Variants in RPS6KA2 observed in about 807,000 individuals in gnomAD.
RPS6KA2 encodes ribosomal protein S6 kinase alpha-2.
In RPS6KA2, 42 loss-of-function variants were observed where a neutral mutation model predicts 91.8. That is an observed-to-expected ratio of 0.46 (90% CI 0.36 to 0.59). The LOEUF (loss-of-function observed/expected upper bound fraction) is 0.59. Among genes scored for constraint, RPS6KA2 ranks in the 20% least tolerant of loss-of-function variants. The pLI is 0.00. For synonymous variants in RPS6KA2, 414 were observed against 393.6 expected, an observed-to-expected ratio of 1.05 and a Z score of -0.61; for missense variants, 798 against 978.5, an observed-to-expected ratio of 0.82 and a Z score of 2.46.
chr6:166,428,252 T>C (rs1274165528), intron 16 of RPS6KA2, among the ~76,000 whole-genome samples: 2 of 151,278 alleles, frequency 1.3e-5, no homozygotes, highest in East Asian at 3.9e-4. Context: ...GCTAGCCATA[T>C]GTAGAAAGCT....
At chr6:166,820,143 A>G (rs2128622923) in intron 2 of RPS6KA2, among the ~76,000 whole-genome samples, 1 of 152,192 alleles carries the variant, frequency 6.6e-6, no homozygotes, top group South Asian at 2.1e-4. Context: ...TATCCAGGGG[A>G]CATGTACATA....
chr6:166,759,562 C>T (rs1009880446), intron 2 of RPS6KA2, among the ~76,000 whole-genome samples: 2 of 152,230 alleles, frequency 1.3e-5, no homozygotes, highest in African/African-American at 4.8e-5. Context: ...TGAGTCTCAG[C>T]ACTGCTGGTG....
chr6:166,861,324 C>T (rs74353454), intron 1 of RPS6KA2, among the ~76,000 whole-genome samples: 4,411 of 152,030 alleles, frequency 0.029, 165 homozygotes, highest in African/African-American at 0.082. Context: ...TGTTTAAATG[C>T]CATTTGAGTT....
chr6:166,471,800 C>T (rs1382231156), intron 10 of RPS6KA2, among the ~76,000 whole-genome samples: 1 of 133,652 alleles, frequency 7.5e-6, no homozygotes, highest in African/African-American at 3.1e-5. Context: ...GGTGCCCCAC[C>T]TTCTGAAGTG....
chr6:166,517,415 C>T (rs1482227239), intron 3 of RPS6KA2, among the ~76,000 whole-genome samples: 4 of 150,986 alleles, frequency 2.6e-5, no homozygotes, highest in Admixed American at 2.0e-4. Flanking sequence ...CAGCATGGCC[C>T]ACCCAGGGCG....
chr6:166,413,372 G>T (rs1433057581), intron 20 of RPS6KA2, among the ~76,000 whole-genome samples: 6 of 152,216 alleles, frequency 3.9e-5, no homozygotes, highest in African/African-American at 1.4e-4. Context: ...TCTGGAGGGG[G>T]CGGCTCTTAA....
intron 1 of RPS6KA2, among the ~76,000 whole-genome samples, chr6:166,577,866 G>A (rs956395746): frequency 3.9e-5 from 6 of 152,154 alleles, no homozygotes; most frequent in Admixed American, 6.5e-5. Context: ...ATCTTGAATT[G>A]TACTGCCATA....
chr6:166,469,775 C>T (rs1583175500), intron 11 of RPS6KA2, 66 bp downstream of exon 11: 16 of 1,404,826 alleles, frequency 1.1e-5, no homozygotes, highest in Admixed American at 5.0e-5. Context: ...TGCACCAAGC[C>T]GTATGTTCCC....
At chr6:166,442,868 G>A (rs1045477149) in intron 14 of RPS6KA2, among the ~76,000 whole-genome samples, 10 of 152,276 alleles carry the variant, frequency 6.6e-5, no homozygotes, top group African/African-American at 2.2e-4. Context: ...CATTTCTGTA[G>A]TGAATTAGCT....
In RPS6KA2 at chr6:166,538,728, C is replaced by T; in HGVS notation, c.156G>A (p.Glu52=). 6.2e-7 allele frequency: 1 copy of T among 1,612,534 alleles called. No individual in the cohort carries two copies. The highest frequency in any genetic ancestry group is 8.5e-7 in the Non-Finnish European group (1 of 1,178,616). ...GCTCAAACTGGGAAGGATCTGCCTT[C>T]TCAAAGCCCTCCTTCACATGATGGC... ...DISHHVKEGF[E]KADPSQFELL... Residue 52 remains glutamate, a synonymous_variant, in exon 2 of 21, where the codon GAG becomes GAA. Transcript: ENST00000265678.
chr6:166,759,116 T>A (rs1310730597), intron 2 of RPS6KA2, among the ~76,000 whole-genome samples: 1 of 152,184 alleles, frequency 6.6e-6, no homozygotes, highest in Non-Finnish European at 1.5e-5. Context: ...CAGGTCTGCG[T>A]CTACACAGAT....
chr6:166,661,550 G>C (rs1009827314), intron 2 of RPS6KA2, among the ~76,000 whole-genome samples: 1 of 151,780 alleles, frequency 6.6e-6, no homozygotes, highest in Admixed American at 6.6e-5. Context: ...TTTTCTTATT[G>C]TTTTCTAAGA....
upstream of RPS6KA2, among the ~76,000 whole-genome samples, chr6:166,630,827 C>A (rs1787052193): frequency 6.6e-6 from 1 of 152,210 alleles, no homozygotes; most frequent in African/African-American, 2.4e-5. Flanking sequence ...ATGTTTATGA[C>A]TTTGAAGTTT....
chr6:166,773,603 T>C (rs2128607644), intron 2 of RPS6KA2, among the ~76,000 whole-genome samples: 1 of 152,214 alleles, frequency 6.6e-6, no homozygotes, highest in South Asian at 2.1e-4. Flanking sequence ...GGTTTCACCA[T>C]TGGCCAGGCT....
rs35850697 is a variant in RPS6KA2, at chr6:166,640,220, G to GAA, written c.124-101438_124-101437dup. On this transcript the variant is annotated intron_variant, in intron 2 of 21. Coordinates refer to the RPS6KA2 transcript ENST00000503859. ...GGAAGGATTTCTGTAGCTTAAAAAG[G>GAA]AAAAAAAAAACCCATCATAGAAAAA... 7.7e-4 allele frequency among the ~76,000 whole-genome samples: 115 copies of GAA among 148,868 alleles called. 1 individual carries two copies. The highest frequency in any genetic ancestry group is 1.2e-3 in the African/African-American group (48 of 40,672).
chr6:166,750,082 C>T (rs544258776), intron 2 of RPS6KA2, among the ~76,000 whole-genome samples: 2 of 152,242 alleles, frequency 1.3e-5, no homozygotes, highest in Admixed American at 6.5e-5. Flanking sequence ...AGGCAGGGGC[C>T]GCACCAAGTG....
rs77715064 is a variant in RPS6KA2, at chr6:166,771,683, A to C, written c.123+86517T>G. On this transcript the variant is annotated intron_variant, in intron 2 of 21. Transcript: ENST00000503859. ...ACTGAAATATAAGAGATGAAGGAAG[A>C]AGCCAGAATTCAAATGAAATCTCCT... 5.2e-3 allele frequency among the ~76,000 whole-genome samples: 789 copies of C among 152,320 alleles called. 8 individuals carry two copies. Among genetic ancestry groups the C allele is most frequent in the African/African-American group, 0.018 (752 of 41,570 alleles).
chr6:166,608,886 G>A (rs1786052709), intron 1 of RPS6KA2, among the ~76,000 whole-genome samples: 1 of 152,074 alleles, frequency 6.6e-6, no homozygotes, highest in African/African-American at 2.4e-5. Flanking sequence ...GGCAAGCTAA[G>A]GCTAATTTTT....
chr6:166,676,450 C>T (rs558346546), intron 2 of RPS6KA2, among the ~76,000 whole-genome samples: 3 of 152,292 alleles, frequency 2.0e-5, no homozygotes, highest in East Asian at 1.9e-4. Flanking sequence ...TCTCCGGAAG[C>T]GCAAGTCCAC....
Sources: allele counts gnomAD v4.1 joint callset (sites outside exome capture counted in the v4.1 genomes callset), GRCh38; gene constraint gnomAD v4.1.1; transcripts MANE v1.5; gene names NCBI Gene and HGNC (gene_info 2026-07-23, HGNC 2026-07-21).